Variants in PERM1 observed in about 807,000 individuals in gnomAD.
PERM1 encodes the protein PGC-1 and ERR-induced regulator in muscle protein 1.
A neutral mutation model predicts 44.1 loss-of-function variants in PERM1; 45 were observed. The observed-to-expected ratio is 1.02, with a 90% confidence interval of 0.80 to 1.31. The LOEUF is 1.31. PERM1 is among the 50% of genes most tolerant of loss of function. PERM1 has a pLI of 0.00. For missense variants in PERM1, 1,189 were observed against 1,106.9 expected (o/e 1.07, Z -1.05); for synonymous variants, 565 against 477.1 (o/e 1.18, Z -2.40).
At chr1:979,577 C>G (rs997183121) in exon 1 of PERM1, 1 of 1,550,042 alleles carries the variant, frequency 6.5e-7, no homozygotes, top group African/African-American at 1.4e-5. Context: ...GAGCAGCATC[C>G]GGGGGCCCCT....
At position 976,533 on chromosome 1, in the gene PERM1, C is replaced by CATACCCTG; in HGVS notation, c.2240_2241insCAGGGTAT (p.Ser748ArgfsTer99). 1 of 1,549,584 alleles carries CATACCCTG rather than the reference C, an allele frequency of 6.5e-7. No homozygotes were observed. Among genetic ancestry groups the CATACCCTG allele is most frequent in the Middle Eastern group, 1.7e-4 (1 of 5,986 alleles). On this transcript the variant is annotated frameshift_variant, in exon 2 of 3. Coordinates refer to ENST00000433179, the Ensembl canonical transcript of PERM1. LOFTEE classifies it high-confidence loss of function. ...AGGCGTCTGGGGTATGCGGATCTGACGTCCTCACAGCCCAGGTGGCAAAAG... is the reference window on the plus strand; with the variant it reads ...AGGCGTCTGGGGTATGCGGATCTGACATACCCTGGTCCTCACAGCCCAGGTGGCAAAAG...
exon 1 of PERM1, chr1:978,917 C>T (rs750848990): frequency 6.0e-6 from 9 of 1,505,464 alleles, no homozygotes; most frequent in African/African-American, 4.2e-5. Context: ...CGCTCTACCA[C>T]GGCTGGCTTG....
At chr1:981,877 G>C (rs1440107485), upstream of PERM1, among the ~76,000 whole-genome samples, 1 of 152,266 alleles carries the variant, frequency 6.6e-6, no homozygotes, top group Non-Finnish European at 1.5e-5. Flanking sequence ...CTCGGCCTCA[G>C]GTCAGCCCCT....
chr1:976,487 A>T lies in PERM1; in HGVS notation c.2275+12T>A. On this transcript the variant is annotated intron_variant, in intron 2 of 2. Transcript: ENST00000433179. ...TCTAGGCGCAGCTCCCTCTGCCCCCAGGCACCCAAACCTGTTTTCCAGGCG... is the reference window on the plus strand; with the variant it reads ...TCTAGGCGCAGCTCCCTCTGCCCCCTGGCACCCAAACCTGTTTTCCAGGCG... 1.3e-6 allele frequency: 2 copies of T among 1,549,430 alleles called. No individual in the cohort carries two copies. Among genetic ancestry groups the T allele is most frequent in the Non-Finnish European group, 1.7e-6 (2 of 1,146,384 alleles).
upstream of PERM1, chr1:981,932 G>C (rs1019865083): frequency 2.8e-6 from 2 of 711,972 alleles, no homozygotes; most frequent in African/African-American, 3.7e-5. Flanking sequence ...ACGGTCCTGA[G>C]ACGGAGGCCA....
chr1:979,071 G>A, exon 1 of PERM1: 1 of 1,548,010 alleles, frequency 6.5e-7, no homozygotes, highest in Non-Finnish European at 8.7e-7. Context: ...GGATGGAGAT[G>A]GGCACGGGGT....
chr1:979,382 G>A, exon 1 of PERM1: 1 of 1,507,052 alleles, frequency 6.6e-7, no homozygotes, highest in Non-Finnish European at 8.9e-7. Context: ...GGCTGGTGGG[G>A]CCGGGGCCCG....
At chr1:982,035 G>A (rs1269954038), upstream of PERM1, 3 of 1,287,676 alleles carry the variant, frequency 2.3e-6, no homozygotes, top group Admixed American at 6.9e-5. Context: ...GGCCCCTTGG[G>A]TCAGGAGCCA....
exon 1 of PERM1, chr1:980,753 C>G (rs1643775149): frequency 7.1e-7 from 1 of 1,407,664 alleles, no homozygotes; most frequent in South Asian, 1.7e-5. Flanking sequence ...AGGGCCAAGA[C>G]AGGCTCACCC....
intron 2 of PERM1, 24 bp downstream of exon 3, chr1:976,475 C>A: frequency 6.5e-7 from 1 of 1,549,406 alleles, no homozygotes; most frequent in Non-Finnish European, 8.7e-7. Flanking sequence ...AGGCGCAGCT[C>A]CCTCTGCCCC....
chr1:979,173 G>T, exon 1 of PERM1: 1 of 1,550,118 alleles, frequency 6.5e-7, no homozygotes. Context: ...CGTCTGGGAA[G>T]AAGAACTCGC....
exon 1 of PERM1, chr1:979,191 C>T (rs1461061895): frequency 6.2e-5 from 96 of 1,550,008 alleles, no homozygotes; most frequent in Non-Finnish European, 8.0e-5. Context: ...CGCACATGTC[C>T]GGCCACTGGA....
chr1:980,320 T>G, exon 1 of PERM1: 1 of 1,550,214 alleles, frequency 6.5e-7, no homozygotes, highest in Non-Finnish European at 8.7e-7. Flanking sequence ...GGGGCCAGGC[T>G]CAGGAGCTCC....
chr1:979,439 C>T (rs1236647281), exon 1 of PERM1: 1 of 1,536,690 alleles, frequency 6.5e-7, no homozygotes. Flanking sequence ...GCCCCAGTTG[C>T]TGTCTGGGGG....
exon 1 of PERM1, chr1:979,015 C>T: frequency 1.3e-6 from 2 of 1,535,054 alleles, no homozygotes; most frequent in Non-Finnish European, 8.8e-7. Flanking sequence ...CCCCAGCACG[C>T]CCTCAAGCCT....
chr1:976,155 TG>T, exon 3 of PERM1: 1 of 1,545,416 alleles, frequency 6.5e-7, no homozygotes, highest in Non-Finnish European at 8.7e-7. Flanking sequence ...TGCATCTCCC[TG>T]GCCCGGGCCT....
chr1:975,752 G>A (rs548003572), exon 3 of PERM1: 9 of 176,076 alleles, frequency 5.1e-5, no homozygotes, highest in Non-Finnish European at 9.6e-5. Context: ...CCCCTCCGAG[G>A]TCCAAGTCCT....
chr1:978,881 C>T lies in PERM1; in HGVS notation c.2149G>A (p.Gly717Arg), dbSNP rs761386654. The T allele has an allele frequency of 1.4e-5, 21 of 1,482,384 alleles. 1 individual carries two copies. In the South Asian group the frequency reaches 2.7e-4, roughly 19 times the overall value. 91.8% of individuals were successfully genotyped at this position (1,482,384 alleles called of 1,614,324 possible). A position where few individuals can be genotyped will look rare whatever the true frequency, so the allele number is the denominator to read the frequency against. The change falls in exon 1 of 3, where the codon GGG becomes AGG. Residue 717 changes from glycine (G) to arginine (R), a missense_variant and splice_region_variant. Physicochemically the swap from Gly to Arg is moderately radical, Grantham distance 125. This residue lies in a region of PERM1 where 900 missense variants were observed against 760.4 expected (regional missense o/e 1.18). Coordinates refer to ENST00000433179, the Ensembl canonical transcript of PERM1. ...GGCTGTGGGATCCGAGAGCACGTACCTGCCCGTCTAAGAGCCAGGTGGAGC... is the reference window on the plus strand; with the variant it reads ...GGCTGTGGGATCCGAGAGCACGTACTTGCCCGTCTAAGAGCCAGGTGGAGC...
exon 1 of PERM1, chr1:980,115 G>A (rs200050434): frequency 1.6e-4 from 245 of 1,549,372 alleles, no homozygotes; most frequent in African/African-American, 1.1e-3. Flanking sequence ...GTTGCGGCTC[G>A]GAGGCAGGTG....
Sources: gnomAD v4.1 joint callset for allele counts (sites outside exome capture counted in the v4.1 genomes callset) on GRCh38, gnomAD v4.1.1 for gene constraint, gnomAD v4.1.1 regional missense constraint, MANE v1.5 for transcripts, NCBI Gene and HGNC (gene_info 2026-07-23, HGNC 2026-07-21) for gene names.